The following NBEA variants were observed in gnomAD, a reference collection of about 807,000 sequenced individuals.
NBEA encodes lysosomal-trafficking regulator 2.
A neutral mutation model predicts 343.4 loss-of-function variants in NBEA; 44 were observed. The ratio of observed to expected loss-of-function variants is 0.13; its 90% CI spans 0.10 to 0.16. NBEA has a LOEUF of 0.16. NBEA is among the 10% of genes least tolerant of loss of function. The pLI, the probability that NBEA is intolerant of heterozygous loss-of-function variation, is 1.00. For synonymous variants in NBEA, 1,175 were observed against 1,238.7 expected, an observed-to-expected ratio of 0.95 and a Z score of 1.08; for missense variants, 2,555 against 3,631.3, an observed-to-expected ratio of 0.70 and a Z score of 7.62.
At chr13:35,551,270 T>G (rs1317089454) in intron 43 of NBEA, among the ~76,000 whole-genome samples, 2 of 152,192 alleles carry the variant, frequency 1.3e-5, no homozygotes, top group Non-Finnish European at 2.9e-5. Flanking sequence ...ACTTGATTGC[T>G]TATCACATAG....
chr13:35,450,378 T>C (rs2046250604), intron 39 of NBEA, among the ~76,000 whole-genome samples: 2 of 152,010 alleles, frequency 1.3e-5, no homozygotes, highest in Non-Finnish European at 2.9e-5. Flanking sequence ...TCCCACCTAC[T>C]CAGGAAGCTG....
chr13:35,462,037 T>C (rs2046935066), intron 40 of NBEA, among the ~76,000 whole-genome samples: 1 of 152,180 alleles, frequency 6.6e-6, no homozygotes. Flanking sequence ...ATAGAAAATG[T>C]CAAGATTCAC....
In NBEA at chr13:34,978,936, G is replaced by A. The variant is rs1026836016; in HGVS notation, c.294+35822G>A. On this transcript the variant is annotated intron_variant, in intron 1 of 58. Transcript: ENST00000379939. ...AACTTCCTTGAATATTCACCCATGA[G>A]TCATTTTAAGATTCATGTTTTTATT... Among the ~76,000 whole-genome samples, 4 of 152,128 alleles carry A rather than the reference G, an allele frequency of 2.6e-5. No homozygotes were observed. The East Asian group carries it at 5.8e-4, about 22-fold the overall frequency.
intron 38 of NBEA, among the ~76,000 whole-genome samples, chr13:35,372,865 C>T (rs2041520999): frequency 6.6e-6 from 1 of 152,104 alleles, no homozygotes; most frequent in Non-Finnish European, 1.5e-5. Context: ...TGTTGGGCCA[C>T]AGGGCAGGAT....
chr13:35,571,179 A>G (rs144695791), intron 45 of NBEA, among the ~76,000 whole-genome samples: 2 of 152,296 alleles, frequency 1.3e-5, no homozygotes, highest in African/African-American at 4.8e-5. Context: ...ATTCCTTACT[A>G]TATGAAAGAA....
chr13:35,376,387 A>G (rs1283021707), intron 38 of NBEA, among the ~76,000 whole-genome samples: 2 of 152,146 alleles, frequency 1.3e-5, no homozygotes, highest in East Asian at 3.9e-4. Flanking sequence ...AGGGTCTGTA[A>G]ATGTTTTCAT....
chr13:35,158,626 A>C (rs2152710228), intron 21 of NBEA, among the ~76,000 whole-genome samples: 1 of 152,188 alleles, frequency 6.6e-6, no homozygotes. Context: ...TAGATGGTGA[A>C]AACCAACATA....
chr13:35,324,714 T>C (rs1168049320), intron 36 of NBEA, among the ~76,000 whole-genome samples: 1 of 152,078 alleles, frequency 6.6e-6, no homozygotes, highest in Non-Finnish European at 1.5e-5. Context: ...AATTAAACAG[T>C]TCCAAAATAT....
chr13:35,373,969 G>C (rs2265209), intron 38 of NBEA, among the ~76,000 whole-genome samples: 44,267 of 151,860 alleles, frequency 0.29, 8,304 homozygotes, highest in African/African-American at 0.54. Context: ...GAATATCTTA[G>C]TTATTGTAGC....
In NBEA at chr13:35,070,732, T is replaced by C. The variant is rs1181138337; in HGVS notation, c.1451T>C (p.Ile484Thr). The change falls in exon 10 of 59, where the codon ATA becomes ACA. Residue 484 changes from isoleucine to threonine, a missense_variant. By Grantham distance (89) the Ile-to-Thr change is moderately conservative. Coordinates refer to ENST00000379939, the MANE Select transcript of NBEA (RefSeq NM_001385012.1). ...TTTTGGACATAGGATGTGAAAGCGA[T>C]AGTAACACATTCAATTCATAGTGCA... The part of the protein sequence containing the change: ...HALMLQDVKA[I>T]VTHSIHSAIH... 1.3e-6 allele frequency: 2 copies of C among 1,590,482 alleles called. No homozygotes were observed. Among genetic ancestry groups the C allele is most frequent in the Non-Finnish European group, 1.7e-6 (2 of 1,165,696 alleles).
rs1170174370 is a variant in NBEA, at chr13:35,058,837, A to G, written c.1213A>G (p.Ile405Val). ...EALNPAQIFA[I>V]HQLGPGYKST... ...ACTCAACCCAGCACAGATATTTGCA[A>G]TTCATCAGTTAGGACCTGGATATAA... Residue 405 changes from isoleucine (I) to valine (V), a missense_variant, in exon 8 of 59, where the codon ATT (isoleucine) becomes GTT (valine). By Grantham distance (29) the Ile-to-Val change is conservative. This residue lies in a region of NBEA where 75 missense variants were observed against 237.4 expected (regional missense o/e 0.32). Coordinates refer to ENST00000379939, the MANE Select transcript of NBEA (RefSeq NM_001385012.1). The G allele has an allele frequency of 3.7e-6, 6 of 1,606,874 alleles. No homozygotes were observed. The Admixed American group carries it at 5.1e-5, about 14-fold the overall frequency.
intron 34 of NBEA, among the ~76,000 whole-genome samples, chr13:35,235,332 A>T (rs955334517): frequency 4.6e-5 from 7 of 152,188 alleles, no homozygotes; most frequent in Non-Finnish European, 1.5e-5. Flanking sequence ...TGAAAAAACA[A>T]ATCTTAAATG....
intron 38 of NBEA, among the ~76,000 whole-genome samples, chr13:35,390,338 TTC>T (rs1209392251): frequency 2.0e-5 from 3 of 152,176 alleles, no homozygotes; most frequent in Non-Finnish European, 2.9e-5. Context: ...CACTTTCTTT[TTC>T]TTTGGAGACT....
intron 55 of NBEA, among the ~76,000 whole-genome samples, chr13:35,658,835 T>C (rs914211724): frequency 2.6e-5 from 4 of 152,178 alleles, no homozygotes; most frequent in African/African-American, 9.7e-5. Context: ...AAAGCTAACC[T>C]AGTAGCATAT....
chr13:35,531,470 T>C (rs2078260270), intron 41 of NBEA, among the ~76,000 whole-genome samples: 1 of 152,230 alleles, frequency 6.6e-6, no homozygotes, highest in Non-Finnish European at 1.5e-5. Flanking sequence ...AATATAATAA[T>C]GTTTGTATCT....
At chr13:35,111,781 T>A (rs1157080712) in intron 13 of NBEA, among the ~76,000 whole-genome samples, 1 of 152,102 alleles carries the variant, frequency 6.6e-6, no homozygotes, top group Non-Finnish European at 1.5e-5. Flanking sequence ...TATTTTAAAT[T>A]TTTTTCAGGA....
At chr13:35,562,963 T>G (rs563915498) in intron 44 of NBEA, among the ~76,000 whole-genome samples, 1 of 152,104 alleles carries the variant, frequency 6.6e-6, no homozygotes, top group Admixed American at 6.5e-5. Flanking sequence ...AATTAAAAAG[T>G]TTTTTTAATG....
chr13:35,645,180 C>G (rs2084167552), intron 49 of NBEA, among the ~76,000 whole-genome samples: 1 of 152,142 alleles, frequency 6.6e-6, no homozygotes, highest in South Asian at 2.1e-4. Flanking sequence ...GAGCCATCTA[C>G]CAACTCACCT....
chr13:35,634,772 T>A (rs1360166217), intron 49 of NBEA, among the ~76,000 whole-genome samples: 1 of 152,208 alleles, frequency 6.6e-6, no homozygotes, highest in Non-Finnish European at 1.5e-5. Flanking sequence ...ATTTTTAGTC[T>A]AATTTTCTGT....
Sources: allele counts gnomAD v4.1 joint callset (sites outside exome capture counted in the v4.1 genomes callset), GRCh38; gene constraint gnomAD v4.1.1; regional missense constraint gnomAD v4.1.1; transcripts MANE v1.5; gene names NCBI Gene and HGNC (gene_info 2026-07-23, HGNC 2026-07-21).